Variants in SRGAP3 observed in about 807,000 individuals in gnomAD.
SRGAP3 encodes SLIT-ROBO Rho GTPase-activating protein 3.
Under a neutral mutation model 121.1 loss-of-function variants are expected in SRGAP3, and 39 were observed. The ratio of observed to expected loss-of-function variants is 0.32; its 90% CI spans 0.25 to 0.42. The LOEUF is 0.42. SRGAP3 is among the 10% of genes least tolerant of loss of function. SRGAP3 has a pLI of 1.00. For missense variants in SRGAP3, 1,213 were observed against 1,470.6 expected (o/e 0.82, Z 2.86); for synonymous variants, 601 against 570.0 (o/e 1.05, Z -0.77).
At chr3:9,139,536 A>G (rs1187618189) in intron 1 of SRGAP3, among the ~76,000 whole-genome samples, 1 of 152,226 alleles carries the variant, frequency 6.6e-6, no homozygotes, top group African/African-American at 2.4e-5. Flanking sequence ...GAGACAAGGG[A>G]CAGGTTCTCC....
intron 1 of SRGAP3, among the ~76,000 whole-genome samples, chr3:9,201,195 C>G (rs1362339746): frequency 6.6e-6 from 1 of 152,130 alleles, no homozygotes; most frequent in Non-Finnish European, 1.5e-5. Flanking sequence ...GGAAGCCAAC[C>G]ATGCCCCACA....
chr3:9,231,512 T>C (rs9853725), intron 1 of SRGAP3, among the ~76,000 whole-genome samples: 31,470 of 152,202 alleles, frequency 0.21, 3,301 homozygotes, highest in African/African-American at 0.24. Context: ...AAATGGAAGA[T>C]AATGTTTTCT....
chr3:9,060,095 C>T (rs1436001009), intron 6 of SRGAP3, 136 bp downstream of exon 6: 1 of 1,397,792 alleles, frequency 7.2e-7, no homozygotes, highest in South Asian at 1.2e-5. Flanking sequence ...TGCCCTTCCC[C>T]TCCAGCAGGG....
chr3:8,986,457 T>A (rs1941713769), intron 21 of SRGAP3, among the ~76,000 whole-genome samples: 1 of 152,194 alleles, frequency 6.6e-6, no homozygotes, highest in African/African-American at 2.4e-5. Context: ...CCCTGCCCCC[T>A]AATAATTCAT....
chr3:9,295,182 A>G (rs995212984), intron 3 of SRGAP3, among the ~76,000 whole-genome samples: 5 of 152,206 alleles, frequency 3.3e-5, no homozygotes, highest in African/African-American at 1.2e-4. Flanking sequence ...AACAGGGTTA[A>G]AATCCAAGGA....
chr3:9,124,669 G>C, intron 2 of SRGAP3, 56 bp downstream of exon 2: 1 of 1,608,440 alleles, frequency 6.2e-7, no homozygotes, highest in African/African-American at 1.3e-5. Flanking sequence ...GCCACCAACT[G>C]TCCGCCCACC....
chr3:9,157,507 A>T (rs1002791444), intron 1 of SRGAP3, among the ~76,000 whole-genome samples: 1 of 152,240 alleles, frequency 6.6e-6, no homozygotes, highest in Admixed American at 6.5e-5. Context: ...TGTTCACTAT[A>T]CACTAGGTAC....
intron 1 of SRGAP3, among the ~76,000 whole-genome samples, chr3:9,330,912 A>G (rs769410971): frequency 6.6e-6 from 1 of 152,218 alleles, no homozygotes; most frequent in Non-Finnish European, 1.5e-5. Flanking sequence ...ACAGACGCAT[A>G]CTACTAAGTT....
intron 14 of SRGAP3, among the ~76,000 whole-genome samples, chr3:9,019,569 G>A (rs1355659466): frequency 6.6e-6 from 1 of 152,230 alleles, no homozygotes; most frequent in Admixed American, 6.5e-5. Context: ...CTCCTGAACA[G>A]CGAAGAGCAC....
intron 9 of SRGAP3, among the ~76,000 whole-genome samples, chr3:9,047,714 G>C (rs951289401): frequency 2.6e-5 from 4 of 152,348 alleles, no homozygotes; most frequent in East Asian, 3.9e-4. Context: ...CAGGTCGGGG[G>C]TTAGGAACAC....
intron 2 of SRGAP3, among the ~76,000 whole-genome samples, chr3:9,116,363 A>C (rs1258712697): frequency 6.6e-6 from 1 of 151,672 alleles, no homozygotes; most frequent in African/African-American, 2.4e-5. Flanking sequence ...TCAGCCATTC[A>C]CTGAAAAAAC....
intron 1 of SRGAP3, among the ~76,000 whole-genome samples, chr3:9,132,109 T>A (rs1263574598): frequency 2.0e-5 from 3 of 152,162 alleles, no homozygotes; most frequent in Non-Finnish European, 2.9e-5. Context: ...AATGGGCTAT[T>A]TTTAGAGCCA....
intron 3 of SRGAP3, among the ~76,000 whole-genome samples, chr3:9,278,912 T>C (rs1954630038): frequency 1.3e-5 from 2 of 152,328 alleles, no homozygotes; most frequent in South Asian, 4.1e-4. Flanking sequence ...TCTGTTCTCC[T>C]GTGTGTTGAT....
intron 1 of SRGAP3, among the ~76,000 whole-genome samples, chr3:9,336,306 T>C (rs1227357352): frequency 6.7e-6 from 1 of 149,816 alleles, no homozygotes; most frequent in African/African-American, 2.4e-5. Context: ...AACCTCAAAC[T>C]CCTGGAGAGA....
chr3:9,124,849 G>A lies in SRGAP3; in HGVS notation c.136C>T (p.Leu46Phe), dbSNP rs1320747564. 6.2e-7 allele frequency: 1 copy of A among 1,614,118 alleles called. No homozygotes were observed. Among genetic ancestry groups the A allele is most frequent in the African/African-American group, 1.3e-5 (1 of 74,942 alleles). ...CGGAAAAACTCCTGGAGGTCTTGAAGCAGCTGCAGTCGCGACTCTGATTGC... is the reference window on the plus strand; with the variant it reads ...CGGAAAAACTCCTGGAGGTCTTGAAACAGCTGCAGTCGCGACTCTGATTGC... Reference protein sequence around the residue: ...EQQSESRLQLLQDLQEFFRRK... With the variant: ...EQQSESRLQLFQDLQEFFRRK... Residue 46 changes from leucine (L) to phenylalanine (F), a missense_variant, in exon 2 of 22, where the codon CTT becomes TTT. This residue lies in a region of SRGAP3 where 793 missense variants were observed against 1,032.9 expected (regional missense o/e 0.77). Coordinates refer to ENST00000383836, the MANE Select transcript of SRGAP3 (RefSeq NM_014850.4).
chr3:9,056,329 G>A lies in SRGAP3; in HGVS notation c.1029C>T (p.Cys343=). The A allele has an allele frequency of 6.2e-7, 1 of 1,612,576 alleles. No individual in the cohort carries two copies. The highest frequency in any genetic ancestry group is 8.5e-7 in the Non-Finnish European group (1 of 1,179,872). Residue 343 remains cysteine, a synonymous_variant, in exon 8 of 22, where the codon TGC becomes TGT. Transcript: ENST00000383836. ...GGACGGGCTGCTGAGCGCTGACCTG[G>A]CAGACCTGCAGGAATAACAGCCACC... ...EFQPHMGDEV[C]QVSAQQPVQT... is the part of the protein sequence containing the mutation.
At chr3:9,010,535 C>T in intron 17 of SRGAP3, 148 bp from the exon 18 acceptor site, 1 of 820,266 alleles carries the variant, frequency 1.2e-6, no homozygotes, top group Non-Finnish European at 2.0e-6. Context: ...CATGTGACCA[C>T]TCCGGGGACC....
Position 8,982,691 on chromosome 3 carries a change from T to A in SRGAP3, c.*2828A>T. 8.5e-6 allele frequency: 1 copy of A among 118,090 alleles called. No homozygotes were observed. The highest frequency in any genetic ancestry group is 3.4e-5 in the African/African-American group (1 of 29,492). 7.3% of individuals were successfully genotyped at this position (118,090 alleles called of 1,614,324 possible). A position where few individuals can be genotyped will look rare whatever the true frequency, so the allele number is the denominator to read the frequency against. On this transcript the variant is annotated 3_prime_UTR_variant, in exon 22 of 22. Transcript: ENST00000383836. ...TGAGTGAGACATGCATAGTGCCAGA[T>A]GAGGAAGTGGGAACAGGGGAGGGGG... is the stretch of plus-strand genomic sequence containing the variant.
At chr3:9,270,603 T>TATC (rs1294708036) in intron 3 of SRGAP3, among the ~76,000 whole-genome samples, 19 of 152,220 alleles carry the variant, frequency 1.2e-4, no homozygotes, top group African/African-American at 3.6e-4. Flanking sequence ...GCAAAAGAAG[T>TATC]ATCACTTTTA....
Sources: gnomAD v4.1 joint callset for allele counts (sites outside exome capture counted in the v4.1 genomes callset) on GRCh38, gnomAD v4.1.1 for gene constraint, gnomAD v4.1.1 regional missense constraint, MANE v1.5 for transcripts, NCBI Gene and HGNC (gene_info 2026-07-23, HGNC 2026-07-21) for gene names.